CCSER1: variants seen among roughly 807,000 people sequenced by gnomAD.
CCSER1 encodes coiled-coil serine rich protein 1.
CCSER1 carries 41 observed loss-of-function variants against 82.0 expected under a neutral mutation model. The ratio of observed to expected loss-of-function variants is 0.50; its 90% CI spans 0.39 to 0.65. The LOEUF (loss-of-function observed/expected upper bound fraction) is 0.65, where lower values mean the gene tolerates loss of function less well. Among genes scored for constraint, CCSER1 ranks in the 30% least tolerant of loss-of-function variants. CCSER1 has a pLI of 0.00. For missense variants in CCSER1, 1,119 were observed against 1,064.2 expected (o/e 1.05, Z -0.72); for synonymous variants, 414 against 383.9 (o/e 1.08, Z -0.92).
At chr4:90,916,212 TC>T (rs1378733871) in intron 8 of CCSER1, among the ~76,000 whole-genome samples, 5 of 152,004 alleles carry the variant, frequency 3.3e-5, no homozygotes, top group African/African-American at 1.2e-4. Context: ...GCCAAGTCAA[TC>T]CTAAACCAAA....
intron 9 of CCSER1, among the ~76,000 whole-genome samples, chr4:91,053,054 G>A (rs1358810771): frequency 6.6e-6 from 1 of 152,050 alleles, no homozygotes; most frequent in East Asian, 1.9e-4. Flanking sequence ...GTGGGATCAG[G>A]ATGACTAAAC....
intron 5 of CCSER1, among the ~76,000 whole-genome samples, chr4:90,591,954 T>C (rs1349706950): frequency 6.6e-6 from 1 of 152,114 alleles, no homozygotes; most frequent in African/African-American, 2.4e-5. Context: ...AAACACCACA[T>C]GTTCTCACTC....
intron 5 of CCSER1, among the ~76,000 whole-genome samples, chr4:90,621,133 C>T (rs1416261033): frequency 1.3e-5 from 2 of 152,144 alleles, no homozygotes; most frequent in Admixed American, 6.5e-5. Context: ...GTGTTTTTTA[C>T]AGCTGACTCT....
intron 10 of CCSER1, among the ~76,000 whole-genome samples, chr4:91,481,708 C>G (rs1037811922): frequency 1.3e-5 from 2 of 152,090 alleles, no homozygotes; most frequent in African/African-American, 4.8e-5. Context: ...CATACAAAAC[C>G]CTAAATGTGT....
intron 10 of CCSER1, among the ~76,000 whole-genome samples, chr4:91,160,403 A>T (rs551602389): frequency 1.4e-4 from 21 of 152,206 alleles, no homozygotes; most frequent in Non-Finnish European, 2.2e-4. Flanking sequence ...TCCTTTGGGT[A>T]TATACCAGGC....
chr4:90,789,537 G>A (rs1754956617), intron 7 of CCSER1, among the ~76,000 whole-genome samples: 1 of 151,954 alleles, frequency 6.6e-6, no homozygotes, highest in African/African-American at 2.4e-5. Context: ...ATCTCATCTT[G>A]AATTGTAACT....
chr4:90,961,787 T>G (rs943834704), intron 9 of CCSER1, among the ~76,000 whole-genome samples: 13 of 152,074 alleles, frequency 8.5e-5, no homozygotes, highest in African/African-American at 3.1e-4. Flanking sequence ...ATATTCTTAA[T>G]AGGCTTCAAT....
chr4:90,193,841 T>G (rs1352309674), intron 1 of CCSER1, among the ~76,000 whole-genome samples: 30 of 152,076 alleles, frequency 2.0e-4, no homozygotes, highest in Non-Finnish European at 1.5e-5. Context: ...GCTAGTCTAG[T>G]GCCTAGAACA....
intron 7 of CCSER1, chr4:90,727,264 A>G (rs1159297042): frequency 6.6e-6 from 3 of 456,084 alleles, no homozygotes; most frequent in South Asian, 1.5e-5. Flanking sequence ...CTGCATCATT[A>G]TAGAAGAGCC....
At chr4:90,789,257 C>A (rs1034989282) in intron 7 of CCSER1, among the ~76,000 whole-genome samples, 5 of 152,038 alleles carry the variant, frequency 3.3e-5, no homozygotes, top group African/African-American at 1.2e-4. Context: ...AGTTTATTTC[C>A]TCTCTGTTAT....
chr4:91,289,935 T>C (rs969688295), intron 10 of CCSER1, among the ~76,000 whole-genome samples: 1 of 151,932 alleles, frequency 6.6e-6, no homozygotes, highest in Non-Finnish European at 1.5e-5. Context: ...ATTCAAAATG[T>C]AGAAAATCAG....
At chr4:90,875,739 C>T (rs1767116162) in intron 8 of CCSER1, among the ~76,000 whole-genome samples, 2 of 152,114 alleles carry the variant, frequency 1.3e-5, no homozygotes, top group Non-Finnish European at 2.9e-5. Context: ...ACAAATGTTT[C>T]AACAGCTTGA....
intron 10 of CCSER1, among the ~76,000 whole-genome samples, chr4:91,383,575 TA>T (rs1751080377): frequency 6.6e-6 from 1 of 152,154 alleles, no homozygotes; most frequent in Admixed American, 6.6e-5. Context: ...AGTTCAATCA[TA>T]TTTTTTAGGA....
chr4:90,310,091 TATTA>T (rs1224067760), intron 2 of CCSER1, among the ~76,000 whole-genome samples: 2 of 152,064 alleles, frequency 1.3e-5, no homozygotes, highest in Non-Finnish European at 2.9e-5. Context: ...AAGCTTTCAT[TATTA>T]ATTAGGATCC....
chr4:90,605,171 G>A (rs894936635), intron 5 of CCSER1, among the ~76,000 whole-genome samples: 15 of 152,114 alleles, frequency 9.9e-5, no homozygotes, highest in African/African-American at 1.4e-4. Context: ...AGAAACTCCC[G>A]ATACGTTGGA....
intron 3 of CCSER1, among the ~76,000 whole-genome samples, chr4:90,333,599 G>T (rs1424747428): frequency 6.6e-6 from 1 of 152,216 alleles, no homozygotes; most frequent in Non-Finnish European, 1.5e-5. Context: ...TGCAGTTTAA[G>T]TGGTTCTAGC....
In CCSER1 at chr4:90,868,603, C is replaced by T. The variant is rs187191451; in HGVS notation, c.2094+52758C>T. On this transcript the variant is annotated intron_variant, in intron 8 of 10. Transcript: ENST00000509176. ...ACCTTTTCTTTATCTGTTCCTCTGT[C>T]GATAGACACTTCAGTTGCTTCCAAA... 1.1e-3 allele frequency among the ~76,000 whole-genome samples: 167 copies of T among 152,092 alleles called. 1 individual carries two copies. Among genetic ancestry groups the T allele is most frequent in the Non-Finnish European group, 1.7e-3 (113 of 67,934 alleles).
intron 4 of CCSER1, among the ~76,000 whole-genome samples, chr4:90,430,664 CT>C (rs756123909): frequency 3.3e-5 from 5 of 151,664 alleles, no homozygotes; most frequent in African/African-American, 9.7e-5. Context: ...ATACAGCAAA[CT>C]TTTTTTCAAG....
At chr4:91,340,254 T>TA (rs758768111) in intron 10 of CCSER1, among the ~76,000 whole-genome samples, 15 of 152,228 alleles carry the variant, frequency 9.9e-5, no homozygotes, top group Non-Finnish European at 2.2e-4. Context: ...CAAAATTTCT[T>TA]ATTGTACTAC....
Sources: allele counts gnomAD v4.1 joint callset (sites outside exome capture counted in the v4.1 genomes callset), GRCh38; gene constraint gnomAD v4.1.1; transcripts MANE v1.5; gene names NCBI Gene and HGNC (gene_info 2026-07-23, HGNC 2026-07-21).